The following NLGN1 variants were observed in gnomAD, a reference collection of about 807,000 sequenced individuals.
The protein encoded by NLGN1 is neuroligin-1.
NLGN1 carries 12 observed loss-of-function variants against 65.5 expected under a neutral mutation model. The ratio of observed to expected loss-of-function variants is 0.18; its 90% confidence interval spans 0.12 to 0.30. NLGN1 has a LOEUF of 0.30. Ranked by LOEUF, NLGN1 falls within the 10% of genes least tolerant of loss-of-function variation. The pLI is 1.00. For synonymous variants in NLGN1, 350 were observed against 359.5 expected (o/e 0.97, Z 0.30); for missense variants, 750 against 1,007.1 (o/e 0.74, Z 3.46).
At chr3:174,139,678 G>A (rs1467068567) in intron 4 of NLGN1, among the ~76,000 whole-genome samples, 1 of 152,070 alleles carries the variant, frequency 6.6e-6, no homozygotes, top group Non-Finnish European at 1.5e-5. Context: ...AGTTTGGTAA[G>A]AAACGCCAAA....
intron 4 of NLGN1, among the ~76,000 whole-genome samples, chr3:173,914,042 A>G (rs1177011527): frequency 6.6e-6 from 1 of 152,148 alleles, no homozygotes; most frequent in Non-Finnish European, 1.5e-5. Context: ...TAGCAAGTCA[A>G]AGTGATCTCA....
intron 4 of NLGN1, among the ~76,000 whole-genome samples, chr3:174,186,878 G>C (rs1731500549): frequency 6.6e-6 from 1 of 151,898 alleles, no homozygotes; most frequent in East Asian, 1.9e-4. Flanking sequence ...TAGATAAAAA[G>C]TAGCAATTGC....
rs115708844 is a variant in NLGN1, at chr3:174,022,483, G to A, written c.646+214651G>A. On this transcript the variant is annotated intron_variant, in intron 4 of 6. Transcript: ENST00000457714. ...AAACACAGCCAATAATGGTGACTCC[G>A]GAAAGGCAGAAAAGGAATCTCTGAA... 8.3e-3 allele frequency among the ~76,000 whole-genome samples: 1,256 copies of A among 152,194 alleles called. 16 individuals are homozygous for A. Among genetic ancestry groups the A allele is most frequent in the African/African-American group, 0.028 (1,173 of 41,522 alleles).
At chr3:173,771,901 G>C (rs1174039537) in intron 3 of NLGN1, among the ~76,000 whole-genome samples, 2 of 151,798 alleles carry the variant, frequency 1.3e-5, no homozygotes, top group Non-Finnish European at 2.9e-5. Context: ...TCCTAAGATA[G>C]CTGAGAATTC....
chr3:173,646,644 A>G (rs1758318671), intron 3 of NLGN1, among the ~76,000 whole-genome samples: 4 of 152,338 alleles, frequency 2.6e-5, no homozygotes, highest in African/African-American at 9.6e-5. Flanking sequence ...CAATAAAAAG[A>G]TGTCCACTAT....
intron 2 of NLGN1, among the ~76,000 whole-genome samples, chr3:173,475,772 A>G (rs1212278407): frequency 6.6e-6 from 1 of 152,190 alleles, no homozygotes; most frequent in Non-Finnish European, 1.5e-5. Flanking sequence ...ACTCTTAATC[A>G]GATTTACAAA....
chr3:173,628,296 T>TG (rs1334405367), intron 3 of NLGN1, among the ~76,000 whole-genome samples: 1 of 152,120 alleles, frequency 6.6e-6, no homozygotes, highest in East Asian at 1.9e-4. Context: ...TACTGGGTGG[T>TG]GGGGGCTAAA....
chr3:173,698,320 T>A (rs1417342243), intron 3 of NLGN1, among the ~76,000 whole-genome samples: 1 of 152,168 alleles, frequency 6.6e-6, no homozygotes, highest in Non-Finnish European at 1.5e-5. Context: ...AATCGAAGAT[T>A]TTTTTTATGC....
At chr3:173,973,671 A>T (rs1317334253) in intron 4 of NLGN1, among the ~76,000 whole-genome samples, 1 of 152,096 alleles carries the variant, frequency 6.6e-6, no homozygotes, top group Non-Finnish European at 1.5e-5. Context: ...TTTCCAGTGC[A>T]TTTGAAAGAA....
intron 3 of NLGN1, among the ~76,000 whole-genome samples, chr3:173,618,232 A>G (rs905347736): frequency 3.3e-5 from 5 of 151,822 alleles, no homozygotes; most frequent in Admixed American, 1.3e-4. Flanking sequence ...GTCTCACTCT[A>G]TCATCCAGGC....
chr3:173,862,947 A>G (rs963011546), intron 4 of NLGN1, among the ~76,000 whole-genome samples: 5 of 152,138 alleles, frequency 3.3e-5, no homozygotes, highest in Admixed American at 1.3e-4. Flanking sequence ...AATCTCTGCA[A>G]ATAGTTCTGT....
intron 4 of NLGN1, among the ~76,000 whole-genome samples, chr3:174,029,649 G>A (rs1343791914): frequency 6.6e-6 from 1 of 152,156 alleles, no homozygotes; most frequent in Non-Finnish European, 1.5e-5. Context: ...GGGGTGGAAT[G>A]ATATGGTTTG....
Position 173,609,560 on chromosome 3 carries a change from A to T in NLGN1, c.493+4469A>T, listed in dbSNP as rs1257977949. 3.3e-5 allele frequency among the ~76,000 whole-genome samples: 5 copies of T among 152,056 alleles called. No individual in the cohort carries two copies. The East Asian group carries it at 9.7e-4, about 29-fold the overall frequency. On this transcript the variant is annotated intron_variant, in intron 3 of 6. Transcript: ENST00000457714. ...ACTCCTAGTACTGTCAAGGTTTTTA[A>T]GACTCTAAAAGGGGATTATATTCCA...
chr3:174,131,032 A>G (rs149207654), intron 4 of NLGN1, among the ~76,000 whole-genome samples: 1 of 152,304 alleles, frequency 6.6e-6, no homozygotes, highest in East Asian at 1.9e-4. Context: ...AGAAGAGAAA[A>G]AATAGTGTAA....
intron 3 of NLGN1, among the ~76,000 whole-genome samples, chr3:173,646,230 A>G (rs190992685): frequency 6.6e-6 from 1 of 152,296 alleles, no homozygotes; most frequent in Admixed American, 6.5e-5. Context: ...AATTCTCTAT[A>G]CCCAACAAAA....
At chr3:174,104,496 C>T (rs1031255090) in intron 4 of NLGN1, among the ~76,000 whole-genome samples, 1 of 152,074 alleles carries the variant, frequency 6.6e-6, no homozygotes, top group African/African-American at 2.4e-5. Flanking sequence ...CCTTACTAGG[C>T]ATAGATTATG....
chr3:173,524,296 A>G lies in NLGN1; in HGVS notation c.-320-79983A>G, dbSNP rs112525456. The stretch of plus-strand genomic sequence containing the variant: ...ATGATTCACCTCCTTGGTTAGCTAT[A>G]TTCCTAGATATTTTATTTTCTTTGT... On this transcript the variant is annotated intron_variant, in intron 2 of 6. Coordinates refer to ENST00000457714, the Ensembl canonical transcript of NLGN1. Among the ~76,000 whole-genome samples the G allele has an allele frequency of 2.0e-3, 311 of 152,096 alleles. 1 individual carries two copies. Among genetic ancestry groups the G allele is most frequent in the Middle Eastern group, 3.4e-3 (1 of 294 alleles).
chr3:173,432,059 A>G (rs542249090), intron 1 of NLGN1, among the ~76,000 whole-genome samples: 311 of 152,284 alleles, frequency 2.0e-3, no homozygotes, highest in African/African-American at 7.1e-3. Context: ...ATGGCTTGAT[A>G]GCTCATTTCT....
chr3:174,110,790 A>T (rs984105455), intron 4 of NLGN1, among the ~76,000 whole-genome samples: 1 of 152,010 alleles, frequency 6.6e-6, no homozygotes, highest in Non-Finnish European at 1.5e-5. Flanking sequence ...TTGTATATGT[A>T]AACATAGAAT....
Sources: gnomAD v4.1 joint callset for allele counts (sites outside exome capture counted in the v4.1 genomes callset) on GRCh38, gnomAD v4.1.1 for gene constraint, MANE v1.5 for transcripts, NCBI Gene and HGNC (gene_info 2026-07-23, HGNC 2026-07-21) for gene names.